Variants in CATSPERT observed in about 807,000 individuals in gnomAD.
CATSPERT encodes catsper channel auxiliary subunit tau.
the CATSPERT span, chr2:201,565,684 G>A: frequency 2.0e-6 from 3 of 1,486,592 alleles, no homozygotes; most frequent in African/African-American, 2.9e-5. Flanking sequence ...CACCTAAGAT[G>A]AAAATTTTGA....
the CATSPERT span, among the ~76,000 whole-genome samples, chr2:201,489,470 A>G: frequency 6.6e-6 from 1 of 152,188 alleles, no homozygotes; most frequent in Non-Finnish European, 1.5e-5. Context: ...AAAATCCAAA[A>G]TTGAAAGTAT....
At chr2:201,610,182 C>T in the CATSPERT span, among the ~76,000 whole-genome samples, 2 of 152,132 alleles carry the variant, frequency 1.3e-5, no homozygotes, top group Admixed American at 1.3e-4. Flanking sequence ...CAGCTAGGCA[C>T]GGTGGCTCAT....
At chr2:201,496,076 T>C in the CATSPERT span, 2 of 680,496 alleles carry the variant, frequency 2.9e-6, no homozygotes, top group Non-Finnish European at 4.7e-6. Context: ...TAAACCTAAA[T>C]ATTTTTATCA....
the CATSPERT span, among the ~76,000 whole-genome samples, chr2:201,526,682 T>A: frequency 6.6e-6 from 1 of 152,158 alleles, no homozygotes; most frequent in African/African-American, 2.4e-5. Context: ...ATCATCTCAA[T>A]AGACATAGAA....
chr2:201,497,591 T>C, the CATSPERT span, among the ~76,000 whole-genome samples: 1 of 152,220 alleles, frequency 6.6e-6, no homozygotes, highest in Non-Finnish European at 1.5e-5. Flanking sequence ...TTCAAAATGC[T>C]TACATTGTTT....
At chr2:201,557,027 T>C in the CATSPERT span, 1 of 152,124 alleles carries the variant, frequency 6.6e-6, no homozygotes, top group Non-Finnish European at 1.5e-5. Context: ...TTATAACCAG[T>C]CTCATTCCAG....
the CATSPERT span, among the ~76,000 whole-genome samples, chr2:201,495,620 C>T: frequency 4.0e-5 from 6 of 150,532 alleles, no homozygotes; most frequent in Admixed American, 1.3e-4. Flanking sequence ...TTAATGGATG[C>T]AACTTATTGT....
chr2:201,608,153 T>C, the CATSPERT span, among the ~76,000 whole-genome samples: 6 of 152,162 alleles, frequency 3.9e-5, no homozygotes, highest in Admixed American at 1.3e-4. Flanking sequence ...CATAATTTTT[T>C]TGGGTCATGG....
the CATSPERT span, chr2:201,545,730 A>G: frequency 6.2e-4 from 396 of 641,296 alleles, no homozygotes; most frequent in Admixed American, 3.0e-3. Flanking sequence ...TTTTAATACA[A>G]TACACCTTCC....
At chr2:201,562,968 C>A in the CATSPERT span, among the ~76,000 whole-genome samples, 9 of 150,942 alleles carry the variant, frequency 6.0e-5, no homozygotes, top group Middle Eastern at 3.5e-3. Flanking sequence ...CCCCACCTTT[C>A]CCCCCTTTCT....
chr2:201,495,975 A>T, the CATSPERT span: 5 of 1,544,646 alleles, frequency 3.2e-6, no homozygotes, highest in African/African-American at 5.5e-5. Context: ...GCCACCTTAT[A>T]AAAAAAGAAG....
At chr2:201,512,939 G>C in the CATSPERT span, among the ~76,000 whole-genome samples, 8 of 151,366 alleles carry the variant, frequency 5.3e-5, no homozygotes, top group African/African-American at 1.9e-4. Flanking sequence ...TGTGGGGTGG[G>C]GGGAGGAGGG....
chr2:201,597,309 G>A, the CATSPERT span, among the ~76,000 whole-genome samples: 4,111 of 152,228 alleles, frequency 0.027, 55 homozygotes, highest in African/African-American at 0.033. Context: ...GCCCTCCAGC[G>A]TCTGTTCTCT....
At chr2:201,507,128 A>G in the CATSPERT span, among the ~76,000 whole-genome samples, 1 of 152,252 alleles carries the variant, frequency 6.6e-6, no homozygotes, top group Non-Finnish European at 1.5e-5. Flanking sequence ...CTTTAAAAAA[A>G]TTCAAGAGAA....
At chr2:201,494,725 A>G in the CATSPERT span, 2 of 1,529,842 alleles carry the variant, frequency 1.3e-6, no homozygotes, top group Non-Finnish European at 1.7e-6. Flanking sequence ...ATTCCTTAGA[A>G]AAGGATCAAA....
chr2:201,536,720 A>G, the CATSPERT span, among the ~76,000 whole-genome samples: 4 of 151,996 alleles, frequency 2.6e-5, no homozygotes, highest in Non-Finnish European at 5.9e-5. Flanking sequence ...TAAAGAGAAT[A>G]TTAATAGCAC....
At chr2:201,617,891 G>A in the CATSPERT span, among the ~76,000 whole-genome samples, 1 of 152,130 alleles carries the variant, frequency 6.6e-6, no homozygotes, top group African/African-American at 2.4e-5. Context: ...ATCAAAAAGT[G>A]GGCAAAGTAT....
chr2:201,593,261 G>C, the CATSPERT span, among the ~76,000 whole-genome samples: 8 of 151,224 alleles, frequency 5.3e-5, no homozygotes, highest in East Asian at 1.6e-3. Flanking sequence ...TTCAGGAGCA[G>C]GTTGTTCAGT....
the CATSPERT span, among the ~76,000 whole-genome samples, chr2:201,508,701 A>G: frequency 6.6e-6 from 1 of 152,112 alleles, no homozygotes; most frequent in Non-Finnish European, 1.5e-5. Context: ...CCATGATCGC[A>G]CTCATAATCT....
Sources: gnomAD v4.1 joint callset for allele counts (sites outside exome capture counted in the v4.1 genomes callset) on GRCh38, gnomAD v4.1.1 for gene constraint, MANE v1.5 for transcripts, NCBI Gene and HGNC (gene_info 2026-07-23, HGNC 2026-07-21) for gene names.